GALNT10: variants seen among roughly 807,000 people sequenced by gnomAD.
GALNT10 encodes polypeptide N-acetylgalactosaminyltransferase 10, also known as GalNAc transferase 10.
Under a neutral mutation model 75.0 loss-of-function variants are expected in GALNT10, and 41 were observed. The observed-to-expected ratio is 0.55, with a 90% confidence interval of 0.43 to 0.71. The LOEUF (loss-of-function observed/expected upper bound fraction) is 0.71, where lower values mean the gene tolerates loss of function less well. GALNT10 is among the 30% of genes least tolerant of loss of function. The pLI, the probability that GALNT10 is intolerant of heterozygous loss-of-function variation, is 0.00. For missense variants in GALNT10, 727 were observed against 818.5 expected, an observed-to-expected ratio of 0.89 and a Z score of 1.36; for synonymous variants, 302 against 313.0, an observed-to-expected ratio of 0.96 and a Z score of 0.37.
At chr5:154,368,010 T>C (rs1755503886) in intron 4 of GALNT10, among the ~76,000 whole-genome samples, 1 of 152,198 alleles carries the variant, frequency 6.6e-6, no homozygotes, top group Non-Finnish European at 1.5e-5. Flanking sequence ...TTTTCTAAAC[T>C]CACCTTCGGC....
chr5:154,327,464 T>G (rs1754772243), intron 3 of GALNT10, among the ~76,000 whole-genome samples: 1 of 152,238 alleles, frequency 6.6e-6, no homozygotes, highest in South Asian at 2.1e-4. Flanking sequence ...CTATCAGTAC[T>G]CTGATCATGT....
At chr5:154,387,983 C>CAG (rs1451384668) in intron 7 of GALNT10, 6 of 150,566 alleles carry the variant, frequency 4.0e-5, no homozygotes, top group Non-Finnish European at 8.8e-5. Flanking sequence ...TGGCTCACTG[C>CAG]AGCCTCCACC....
intron 1 of GALNT10, among the ~76,000 whole-genome samples, chr5:154,211,443 T>C (rs1186688075): frequency 1.3e-5 from 2 of 152,224 alleles, no homozygotes; most frequent in Non-Finnish European, 2.9e-5. Context: ...GTCTTAACAA[T>C]AGAGAAAATC....
chr5:154,273,383 G>C (rs914482342), intron 1 of GALNT10, among the ~76,000 whole-genome samples: 6 of 152,192 alleles, frequency 3.9e-5, no homozygotes, highest in Non-Finnish European at 5.9e-5. Flanking sequence ...TAAGCTTCCT[G>C]TTCAGGGAGT....
At position 154,412,617 on chromosome 5, in the gene GALNT10, C is replaced by A. The variant is rs1756421271; in HGVS notation, c.1387-272C>A. 1 of 360,384 alleles carries A rather than the reference C, an allele frequency of 2.8e-6. No individual in the cohort carries two copies. The allele number at this position is 360,384 out of a possible 1,614,324, so 22.3% of individuals were successfully genotyped here. On this transcript the variant is annotated intron_variant, in intron 9 of 11. Coordinates refer to ENST00000297107, the MANE Select transcript of GALNT10 (RefSeq NM_198321.4). This position sits in a 1 kb window ranked among gnomAD's most constrained non-coding sequence, Gnocchi z 4.2. ...AGGGCCAGGGAGTCCTTTACCAACT[C>A]CTCACCTCCACTCCCCCACCACCAA...
chr5:154,215,640 C>A (rs1011299316), intron 1 of GALNT10, among the ~76,000 whole-genome samples: 2 of 152,178 alleles, frequency 1.3e-5, no homozygotes, highest in Non-Finnish European at 2.9e-5. Flanking sequence ...CAGTGATTTT[C>A]CTTCTCCTGA....
At chr5:154,284,148 A>G (rs1251713158) in intron 1 of GALNT10, among the ~76,000 whole-genome samples, 1 of 152,246 alleles carries the variant, frequency 6.6e-6, no homozygotes, top group Non-Finnish European at 1.5e-5. Flanking sequence ...GCTAAGAGCT[A>G]TACTTGCTGC....
At chr5:154,369,738 T>C (rs1158598564) in intron 4 of GALNT10, among the ~76,000 whole-genome samples, 3 of 152,168 alleles carry the variant, frequency 2.0e-5, no homozygotes, top group African/African-American at 4.8e-5. Flanking sequence ...CCGGGACACC[T>C]ACAGGTCCCA....
intron 4 of GALNT10, among the ~76,000 whole-genome samples, chr5:154,367,569 T>A (rs1229299618): frequency 2.0e-5 from 3 of 151,922 alleles, no homozygotes; most frequent in Non-Finnish European, 2.9e-5. Context: ...AGAACTTCAG[T>A]TTTGGCCAGG....
chr5:154,257,732 T>G (rs1753636292), intron 1 of GALNT10, among the ~76,000 whole-genome samples: 1 of 151,936 alleles, frequency 6.6e-6, no homozygotes, highest in South Asian at 2.1e-4. Context: ...ATGACTAATA[T>G]ATGTACAATA....
At chr5:154,398,669 A>G (rs931406165) in intron 7 of GALNT10, among the ~76,000 whole-genome samples, 1 of 152,208 alleles carries the variant, frequency 6.6e-6, no homozygotes, top group African/African-American at 2.4e-5. Flanking sequence ...AACCACATGG[A>G]GCAGTTCCAA....
At chr5:154,308,747 C>G (rs997446405) in intron 3 of GALNT10, among the ~76,000 whole-genome samples, 1 of 152,240 alleles carries the variant, frequency 6.6e-6, no homozygotes, top group Non-Finnish European at 1.5e-5. Flanking sequence ...AGCCCTTACT[C>G]AGGCTTATTA....
At chr5:154,262,403 C>T (rs1345730323) in intron 1 of GALNT10, among the ~76,000 whole-genome samples, 3 of 152,244 alleles carry the variant, frequency 2.0e-5, no homozygotes, top group South Asian at 2.1e-4. Context: ...TATATGTCAG[C>T]GCTCATTACT....
At chr5:154,250,627 G>A (rs77087106) in intron 1 of GALNT10, among the ~76,000 whole-genome samples, 4,472 of 152,188 alleles carry the variant, frequency 0.029, 160 homozygotes, top group East Asian at 0.088. Flanking sequence ...TGGATCACTG[G>A]ACAAAATCAG....
chr5:154,386,936 ATC>A, intron 7 of GALNT10: 1 of 169,030 alleles, frequency 5.9e-6, no homozygotes, highest in Non-Finnish European at 1.2e-5. Context: ...TCCCAGCTCC[ATC>A]ATCAGGAGCT....
At chr5:154,296,171 C>T (rs984764589) in intron 2 of GALNT10, among the ~76,000 whole-genome samples, 3 of 152,216 alleles carry the variant, frequency 2.0e-5, no homozygotes, top group African/African-American at 7.2e-5. Flanking sequence ...AATGCAACCT[C>T]TACCTCCCAG....
At chr5:154,300,938 ATTG>A (rs1754347944) in intron 3 of GALNT10, among the ~76,000 whole-genome samples, 1 of 152,208 alleles carries the variant, frequency 6.6e-6, no homozygotes, top group Admixed American at 6.5e-5. Flanking sequence ...GAGCAAGAGC[ATTG>A]TGGGTAGAGA....
intron 3 of GALNT10, among the ~76,000 whole-genome samples, chr5:154,310,449 T>TTGTTTG (rs1554098091): frequency 8.0e-6 from 1 of 125,166 alleles, no homozygotes; most frequent in African/African-American, 3.1e-5. Flanking sequence ...TTGTTTTTTT[T>TTGTTTG]TTTGTTTGTT....
chr5:154,197,509 T>G (rs1774965037), intron 1 of GALNT10, among the ~76,000 whole-genome samples: 1 of 152,142 alleles, frequency 6.6e-6, no homozygotes. Flanking sequence ...CTCTTATCTT[T>G]GAATGGTTCC....
Sources: gnomAD v4.1 joint callset for allele counts (sites outside exome capture counted in the v4.1 genomes callset) on GRCh38, gnomAD v4.1.1 for gene constraint, Gnocchi (gnomAD v3.1) non-coding constraint, MANE v1.5 for transcripts, NCBI Gene and HGNC (gene_info 2026-07-23, HGNC 2026-07-21) for gene names.